CTNND2: variants seen among roughly 807,000 people sequenced by gnomAD.
CTNND2 encodes the protein catenin delta-2.
Under a neutral mutation model 144.4 loss-of-function variants are expected in CTNND2, and 22 were observed. The ratio of observed to expected loss-of-function variants is 0.15; its 90% CI spans 0.11 to 0.22. The LOEUF (loss-of-function observed/expected upper bound fraction) is 0.22. Among genes scored for constraint, CTNND2 ranks in the 10% least tolerant of loss-of-function variants. The pLI is 1.00. For missense variants in CTNND2, 1,353 were observed against 1,618.8 expected (o/e 0.84, Z 2.82); for synonymous variants, 751 against 695.6 (o/e 1.08, Z -1.25).
At chr5:11,087,873 T>G (rs554865984) in intron 15 of CTNND2, among the ~76,000 whole-genome samples, 1 of 152,290 alleles carries the variant, frequency 6.6e-6, no homozygotes, top group East Asian at 1.9e-4. Flanking sequence ...GCAAGATAAT[T>G]TCCTGGGGGG....
chr5:11,029,454 G>T (rs1000892870), intron 16 of CTNND2, among the ~76,000 whole-genome samples: 2 of 151,976 alleles, frequency 1.3e-5, no homozygotes, highest in Non-Finnish European at 2.9e-5. Context: ...ATAGTTTAAT[G>T]ATTTTCTTTG....
intron 9 of CTNND2, among the ~76,000 whole-genome samples, chr5:11,322,283 T>C (rs577850670): frequency 5.3e-5 from 8 of 152,204 alleles, no homozygotes; most frequent in Non-Finnish European, 1.2e-4. Flanking sequence ...GTACTGAAAC[T>C]GCAGGTCTGT....
At chr5:11,015,985 T>C (rs1355375797) in intron 18 of CTNND2, among the ~76,000 whole-genome samples, 2 of 152,250 alleles carry the variant, frequency 1.3e-5, no homozygotes, top group African/African-American at 4.8e-5. Flanking sequence ...TAACCCATTA[T>C]ATGAAATGCT....
At chr5:11,318,556 C>T (rs1350427402) in intron 9 of CTNND2, among the ~76,000 whole-genome samples, 6 of 152,132 alleles carry the variant, frequency 3.9e-5, no homozygotes, top group African/African-American at 1.4e-4. Flanking sequence ...GATTTCTTTT[C>T]TCAGTGAGAA....
intron 2 of CTNND2, among the ~76,000 whole-genome samples, chr5:11,653,088 T>C (rs970345968): frequency 2.7e-5 from 4 of 150,742 alleles, no homozygotes; most frequent in Non-Finnish European, 5.9e-5. Flanking sequence ...TGTGTGTGTG[T>C]GTGTGTGTGT....
intron 12 of CTNND2, among the ~76,000 whole-genome samples, chr5:11,136,170 C>T (rs1756125085): frequency 6.6e-6 from 1 of 152,150 alleles, no homozygotes; most frequent in Non-Finnish European, 1.5e-5. Flanking sequence ...CTTGGACTTC[C>T]CAGCCTCTAG....
intron 2 of CTNND2, among the ~76,000 whole-genome samples, chr5:11,663,277 T>G (rs139299493): frequency 6.6e-6 from 1 of 152,188 alleles, no homozygotes; most frequent in Non-Finnish European, 1.5e-5. Context: ...ATTAGATTGA[T>G]CTATATTAAA....
At chr5:11,675,528 T>C (rs1784128191) in intron 2 of CTNND2, among the ~76,000 whole-genome samples, 1 of 152,194 alleles carries the variant, frequency 6.6e-6, no homozygotes, top group Non-Finnish European at 1.5e-5. Context: ...CTGTGTAACC[T>C]GACCCCCCTC....
rs1561782425 is a variant in CTNND2, at chr5:11,771,191, G to GTT, written c.38-38920_38-38919insAA. On this transcript the variant is annotated intron_variant, in intron 1 of 21. Transcript: ENST00000304623. ...GCTCTATCATGAACCCACATTGTTA[G>GTT]CTTTTTTTTTTTTTTTTTGGGATGG... 2.2e-4 allele frequency among the ~76,000 whole-genome samples: 4 copies of GTT among 18,004 alleles called. No individual in the cohort carries two copies. The Admixed American group carries it at 4.2e-3, about 19-fold the overall frequency. 11.8% of individuals were successfully genotyped at this position (18,004 alleles called of 152,430 possible). A position where few individuals can be genotyped will look rare whatever the true frequency, so the allele number is the denominator to read the frequency against.
At chr5:11,174,789 C>G (rs1760300531) in intron 11 of CTNND2, among the ~76,000 whole-genome samples, 1 of 152,182 alleles carries the variant, frequency 6.6e-6, no homozygotes, top group Non-Finnish European at 1.5e-5. Context: ...CGTGGCAAAG[C>G]ACGCAGAACG....
chr5:11,869,016 T>TC (rs1795904179), intron 1 of CTNND2, among the ~76,000 whole-genome samples: 1 of 152,014 alleles, frequency 6.6e-6, no homozygotes, highest in Admixed American at 6.6e-5. Flanking sequence ...ACATCAACAG[T>TC]CATTAGGGAA....
At chr5:11,642,129 C>T (rs1782099373) in intron 2 of CTNND2, among the ~76,000 whole-genome samples, 2 of 151,814 alleles carry the variant, frequency 1.3e-5, no homozygotes, top group Non-Finnish European at 2.9e-5. Flanking sequence ...AATTTTGTGC[C>T]CCAATTTACA....
rs1580871663 is a variant in CTNND2, at chr5:11,311,996, A to ACC, written c.1628+34374_1628+34375dup. Among the ~76,000 whole-genome samples, 5 of 118,592 alleles carry ACC rather than the reference A, an allele frequency of 4.2e-5. No individual in the cohort carries two copies. In the East Asian group the frequency reaches 1.3e-3, roughly 32 times the overall value. 77.8% of individuals were successfully genotyped at this position (118,592 alleles called of 152,430 possible). ...ACACCCACACACTACCCATATATGC[A>ACC]CCCCACACACACACTCACCATACAC... On this transcript the variant is annotated intron_variant, in intron 9 of 21. Coordinates refer to ENST00000304623, the MANE Select transcript of CTNND2 (RefSeq NM_001332.4).
intron 3 of CTNND2, among the ~76,000 whole-genome samples, chr5:11,515,816 TTTG>T (rs1045732083): frequency 6.6e-6 from 1 of 152,074 alleles, no homozygotes; most frequent in African/African-American, 2.4e-5. Flanking sequence ...TAATGAAAAA[TTTG>T]TTAATAGTTC....
At chr5:10,999,928 T>C (rs1029147820) in intron 18 of CTNND2, among the ~76,000 whole-genome samples, 2 of 152,214 alleles carry the variant, frequency 1.3e-5, no homozygotes, top group African/African-American at 4.8e-5. Context: ...GCATTTCCAA[T>C]GTGCACGACA....
In CTNND2 at chr5:11,903,964, T is replaced by C; in HGVS notation, c.-111A>G. The C allele has an allele frequency of 8.2e-7, 1 of 1,220,222 alleles. No individual in the cohort carries two copies. The allele number at this position is 1,220,222 out of a possible 1,614,324, so 75.6% of individuals were successfully genotyped here. On this transcript the variant is annotated 5_prime_UTR_variant, in exon 1 of 22. Coordinates refer to ENST00000304623, the MANE Select transcript of CTNND2 (RefSeq NM_001332.4). This position sits in a 1 kb window ranked among gnomAD's most constrained non-coding sequence, Gnocchi z 5.4. ...CAACTGCAGCATCTTCCGCTTTTGT[T>C]GTCTGAGCGCGGCCGCGGGACAAGG... is the stretch of plus-strand genomic sequence containing the variant.
intron 20 of CTNND2, 23 bp from the exon 21 acceptor site, chr5:10,981,869 A>G: frequency 6.3e-7 from 1 of 1,588,008 alleles, no homozygotes; most frequent in Non-Finnish European, 8.6e-7. Context: ...GGAAAACAAA[A>G]GTTTAGCAAA....
chr5:11,025,321 CA>C, intron 16 of CTNND2, among the ~76,000 whole-genome samples: 1 of 152,196 alleles, frequency 6.6e-6, no homozygotes, highest in Non-Finnish European at 1.5e-5. Context: ...TGTCTTTTTA[CA>C]GTGAAATTTA....
intron 11 of CTNND2, among the ~76,000 whole-genome samples, chr5:11,184,356 C>T (rs948639893): frequency 1.3e-5 from 2 of 152,166 alleles, no homozygotes; most frequent in African/African-American, 4.8e-5. Flanking sequence ...ATTAACTGCA[C>T]AGATAAGCCT....
Sources: gnomAD v4.1 joint callset for allele counts (sites outside exome capture counted in the v4.1 genomes callset) on GRCh38, gnomAD v4.1.1 for gene constraint, Gnocchi (gnomAD v3.1) non-coding constraint, MANE v1.5 for transcripts, NCBI Gene and HGNC (gene_info 2026-07-23, HGNC 2026-07-21) for gene names.